The following TIMM22 variants were observed in gnomAD, a reference collection of about 807,000 sequenced individuals.
TIMM22 encodes mitochondrial import inner membrane translocase subunit Tim22.
A neutral mutation model predicts 18.3 loss-of-function variants in TIMM22; 12 were observed. The ratio of observed to expected loss-of-function variants is 0.65; its 90% CI spans 0.42 to 1.06. TIMM22 has a LOEUF of 1.06. Among genes scored for constraint, TIMM22 ranks in the 50% least tolerant of loss-of-function variants. The pLI, the probability that TIMM22 is intolerant of heterozygous loss-of-function variation, is 0.00. For missense variants in TIMM22, 278 were observed against 252.8 expected (o/e 1.10, Z -0.68); for synonymous variants, 107 against 98.5 (o/e 1.09, Z -0.51).
In TIMM22 at chr17:999,350, T is replaced by TACATACATAC. The variant is rs371102749; in HGVS notation, c.436-161_436-160insCATACATACA. Among the ~76,000 whole-genome samples, 203 of 126,730 alleles carry TACATACATAC rather than the reference T, an allele frequency of 1.6e-3. 6 individuals are homozygous for TACATACATAC. The highest frequency in any genetic ancestry group is 7.7e-3 in the African/African-American group (196 of 25,330). 83.1% of individuals were successfully genotyped at this position (126,730 alleles called of 152,430 possible). A position where few individuals can be genotyped will look rare whatever the true frequency, so the allele number is the denominator to read the frequency against. On this transcript the variant is annotated intron_variant, in intron 2 of 3. Transcript: ENST00000327158. ...ATATATATATATATATATATATATA[T>TACATACATAC]ATATATATACACGCTGTATACTTAG...
chr17:997,478 G>C (rs1429204631), intron 1 of TIMM22, 98 bp downstream of exon 1: 31 of 1,238,928 alleles, frequency 2.5e-5, no homozygotes, highest in Admixed American at 2.2e-4. Context: ...GAGGGACTGC[G>C]GGCCTTGACC....
intron 2 of TIMM22, 118 bp downstream of exon 2, chr17:999,093 T>G (rs1214982379): frequency 9.6e-7 from 1 of 1,039,270 alleles, no homozygotes; most frequent in African/African-American, 1.6e-5. Flanking sequence ...ATCAGAAGCA[T>G]CAGATACATT....
In TIMM22 at chr17:1,001,430, C is replaced by T; in HGVS notation, c.*342C>T. On this transcript the variant is annotated 3_prime_UTR_variant, in exon 4 of 4. Coordinates refer to ENST00000327158, the MANE Select transcript of TIMM22 (RefSeq NM_013337.4). ...CCTCTAGGTTGTTTGGTGTTGTGGG[C>T]ACAGAGGTGACAGTGTCTCTGCAGG... 3.7e-6 allele frequency: 1 copy of T among 268,912 alleles called. No homozygotes were observed. The highest frequency in any genetic ancestry group is 7.4e-6 in the Non-Finnish European group (1 of 135,776). The allele number at this position is 268,912 out of a possible 1,614,324, so 16.7% of individuals were successfully genotyped here. A position where few individuals can be genotyped will look rare whatever the true frequency, so the allele number is the denominator to read the frequency against.
chr17:1,002,105 A>C lies in TIMM22; in HGVS notation c.*1017A>C, dbSNP rs1332385321. 6.7e-6 allele frequency: 1 copy of C among 149,906 alleles called. No homozygotes were observed. Among genetic ancestry groups the C allele is most frequent in the Non-Finnish European group, 1.5e-5 (1 of 67,758 alleles). 9.3% of individuals were successfully genotyped at this position (149,906 alleles called of 1,614,324 possible). A position where few individuals can be genotyped will look rare whatever the true frequency, so the allele number is the denominator to read the frequency against. ...TTTAACATGTCGTGTTTTCGACTTGACCTTGTGGTATTTTTCTTGGCCTAG... is the reference window on the plus strand; with the variant it reads ...TTTAACATGTCGTGTTTTCGACTTGCCCTTGTGGTATTTTTCTTGGCCTAG... On this transcript the variant is annotated 3_prime_UTR_variant, in exon 4 of 4. Coordinates refer to ENST00000327158, the MANE Select transcript of TIMM22 (RefSeq NM_013337.4).
intron 1 of TIMM22, among the ~76,000 whole-genome samples, 184 bp from the exon 2 acceptor site, chr17:998,595 A>T (rs1012838002): frequency 1.3e-5 from 2 of 152,186 alleles, no homozygotes; most frequent in South Asian, 4.2e-4. Context: ...GAGACGGAGA[A>T]GATGATGTCA....
intron 3 of TIMM22, 71 bp downstream of exon 3, chr17:999,655 C>A: frequency 7.1e-7 from 1 of 1,401,388 alleles, no homozygotes; most frequent in Non-Finnish European, 1.0e-6. Flanking sequence ...CATTTCCAAA[C>A]ACACGAGTGT....
Position 1,001,197 on chromosome 17 carries a change from A to G in TIMM22, c.*109A>G. On this transcript the variant is annotated 3_prime_UTR_variant, in exon 4 of 4. Transcript: ENST00000327158. ...CTTGCTTCAGGGCCTGAAGACATTC[A>G]TTTTCCCTCATGTCGTTGGTATTCT... 2.5e-6 allele frequency: 3 copies of G among 1,204,824 alleles called. No homozygotes were observed. The highest frequency in any genetic ancestry group is 3.6e-6 in the Non-Finnish European group (3 of 825,966). 74.6% of individuals were successfully genotyped at this position (1,204,824 alleles called of 1,614,324 possible).
At position 999,492 on chromosome 17, in the gene TIMM22, G is replaced by A. The variant is rs202227682; in HGVS notation, c.436-20G>A. On this transcript the variant is annotated intron_variant, in intron 2 of 3. Transcript: ENST00000327158. The stretch of plus-strand genomic sequence containing the variant: ...CTTGGCTTGTTTCTTTGGCTCTAAC[G>A]TGTACTTCCCTGCCCACAGTACCGG... 145 of 1,612,452 alleles carry A rather than the reference G, an allele frequency of 9.0e-5. No individual in the cohort carries two copies. Among genetic ancestry groups the A allele is most frequent in the East Asian group, 6.2e-4 (28 of 44,834 alleles).
rs768059242 is a variant in TIMM22, at chr17:997,152, G to C, written c.10G>C (p.Ala4Pro). The change falls in exon 1 of 4, where the codon GCC becomes CCC. Residue 4 changes from alanine (A) to proline (P), a missense_variant. By Grantham distance (27) the Ala-to-Pro change is conservative. Transcript: ENST00000327158. ...TTGGGCAGCGACTGTCATGGCGGCGGCCGCCCCCAATGCCGGAGGCTCGGC... is the reference window on the plus strand; with the variant it reads ...TTGGGCAGCGACTGTCATGGCGGCGCCCGCCCCCAATGCCGGAGGCTCGGC... MAA[A>P]APNAGGSAPE... 6.2e-7 allele frequency: 1 copy of C among 1,608,214 alleles called. No individual in the cohort carries two copies. The highest frequency in any genetic ancestry group is 8.5e-7 in the Non-Finnish European group (1 of 1,178,656).
chr17:1,002,745 C>CA lies in TIMM22; in HGVS notation c.*1660dup, dbSNP rs1278534075. ...GCAGACATTCCCACCTGGTACCTGT[C>CA]AAAGTCCTAGGATGCCTGGGATCTT... On this transcript the variant is annotated 3_prime_UTR_variant, in exon 4 of 4. Coordinates refer to ENST00000327158, the MANE Select transcript of TIMM22 (RefSeq NM_013337.4). The CA allele has an allele frequency of 6.6e-6, 1 of 152,144 alleles. No homozygotes were observed. Among genetic ancestry groups the CA allele is most frequent in the Non-Finnish European group, 1.5e-5 (1 of 68,044 alleles). 9.4% of individuals were successfully genotyped at this position (152,144 alleles called of 1,614,324 possible).
At position 1,002,448 on chromosome 17, in the gene TIMM22, G is replaced by A. The variant is rs1055888402; in HGVS notation, c.*1360G>A. 2 of 152,252 alleles carry A rather than the reference G, an allele frequency of 1.3e-5. No homozygotes were observed. Among genetic ancestry groups the A allele is most frequent in the African/African-American group, 4.8e-5 (2 of 41,446 alleles). The allele number at this position is 152,252 out of a possible 1,614,324, so 9.4% of individuals were successfully genotyped here. A position where few individuals can be genotyped will look rare whatever the true frequency, so the allele number is the denominator to read the frequency against. ...CGTTCACACTCAGTGTACATGGCCT[G>A]GAGGCCCGAGTGTTTGTACATGAGT... On this transcript the variant is annotated 3_prime_UTR_variant, in exon 4 of 4. Coordinates refer to ENST00000327158, the MANE Select transcript of TIMM22 (RefSeq NM_013337.4).
chr17:999,387 T>C (rs940636385), intron 2 of TIMM22, 125 bp from the exon 3 acceptor site: 8 of 573,934 alleles, frequency 1.4e-5, no homozygotes, highest in Non-Finnish European at 2.4e-5. Context: ...AACTATATTT[T>C]CAAGAAAGAT....
At position 1,001,256 on chromosome 17, in the gene TIMM22, T is replaced by C; in HGVS notation, c.*168T>C. The C allele has an allele frequency of 1.5e-6, 1 of 675,624 alleles. No individual in the cohort carries two copies. 41.9% of individuals were successfully genotyped at this position (675,624 alleles called of 1,614,324 possible). On this transcript the variant is annotated 3_prime_UTR_variant, in exon 4 of 4. Transcript: ENST00000327158. ...TGCCTGGCTTCTCTGCCTCCAGCCTTTGGGGTAGCCACACTTTGCTGCTCC... is the reference window on the plus strand; with the variant it reads ...TGCCTGGCTTCTCTGCCTCCAGCCTCTGGGGTAGCCACACTTTGCTGCTCC...
intron 2 of TIMM22, 127 bp downstream of exon 2, chr17:999,102 T>C (rs546432136): frequency 3.1e-6 from 3 of 981,598 alleles, no homozygotes; most frequent in Admixed American, 2.8e-5. Flanking sequence ...ATCAGATACA[T>C]TCTAGGTTGA....
chr17:999,143 T>G (rs1037051307), intron 2 of TIMM22, among the ~76,000 whole-genome samples, 168 bp downstream of exon 2: 1 of 151,968 alleles, frequency 6.6e-6, no homozygotes. Flanking sequence ...GTGGCAGACT[T>G]TGTGTGTGTT....
chr17:999,535 G>A lies in TIMM22; in HGVS notation c.459G>A (p.Lys153=), dbSNP rs761035489. ...AGTACCGGGGAACATCAGACTGGAA[G>A]AACAGTGTCATCAGTGGCTGCATCA... is the stretch of plus-strand genomic sequence containing the variant. ...IESYRGTSDW[K]NSVISGCITG... is the part of the protein sequence containing the mutation. The change falls in exon 3 of 4, where the codon AAG becomes AAA. Residue 153 remains lysine, a synonymous_variant. Transcript: ENST00000327158. 2 of 1,613,644 alleles carry A rather than the reference G, an allele frequency of 1.2e-6. No homozygotes were observed. Among genetic ancestry groups the A allele is most frequent in the East Asian group, 2.2e-5 (1 of 44,866 alleles).
Position 1,003,608 on chromosome 17 carries a change from T to C in TIMM22, c.*2520T>C, listed in dbSNP as rs1015825315. 1 of 152,564 alleles carries C rather than the reference T, an allele frequency of 6.6e-6. No individual in the cohort carries two copies. Among genetic ancestry groups the C allele is most frequent in the African/African-American group, 2.4e-5 (1 of 41,450 alleles). 9.5% of individuals were successfully genotyped at this position (152,564 alleles called of 1,614,324 possible). A position where few individuals can be genotyped will look rare whatever the true frequency, so the allele number is the denominator to read the frequency against. On this transcript the variant is annotated 3_prime_UTR_variant, in exon 4 of 4. Coordinates refer to ENST00000327158, the MANE Select transcript of TIMM22 (RefSeq NM_013337.4). ...ATCAATTTATAATAATCTACATAAG[T>C]TGAAACAGAACATAGACAAAAAAAT...
At chr17:999,358 TAC>T (rs1555524935) in intron 2 of TIMM22, among the ~76,000 whole-genome samples, 152 bp from the exon 3 acceptor site, 1 of 132,588 alleles carries the variant, frequency 7.5e-6, no homozygotes, top group Non-Finnish European at 1.5e-5. Context: ...TATATATATA[TAC>T]ACGCTGTATA....
rs2069815815 is a variant in TIMM22, at chr17:1,003,621, TAGAC to T, written c.*2535_*2538del. On this transcript the variant is annotated 3_prime_UTR_variant, in exon 4 of 4. Coordinates refer to ENST00000327158, the MANE Select transcript of TIMM22 (RefSeq NM_013337.4). ...AATCTACATAAGTTGAAACAGAACA[TAGAC>T]AAAAAAATATATCCTTACCAACTTA... The T allele has an allele frequency of 6.6e-6, 1 of 152,486 alleles. No individual in the cohort carries two copies. Among genetic ancestry groups the T allele is most frequent in the Non-Finnish European group, 1.5e-5 (1 of 68,022 alleles). 9.4% of individuals were successfully genotyped at this position (152,486 alleles called of 1,614,324 possible). A position where few individuals can be genotyped will look rare whatever the true frequency, so the allele number is the denominator to read the frequency against.
Sources: allele counts gnomAD v4.1 joint callset (sites outside exome capture counted in the v4.1 genomes callset), GRCh38; gene constraint gnomAD v4.1.1; transcripts MANE v1.5; gene names NCBI Gene and HGNC (gene_info 2026-07-23, HGNC 2026-07-21).